DMD: variants seen among roughly 807,000 people sequenced by gnomAD.
The protein encoded by DMD is dystrophin.
DMD carries 63 observed loss-of-function variants against 330.1 expected under a neutral mutation model. That is an observed-to-expected ratio of 0.19 (90% CI 0.16 to 0.24). The LOEUF (loss-of-function observed/expected upper bound fraction) is 0.24, where lower values mean the gene tolerates loss of function less well. DMD is among the 10% of genes least tolerant of loss of function. DMD has a pLI of 1.00. For synonymous variants in DMD, 1,223 were observed against 959.8 expected (o/e 1.27, Z -5.07); for missense variants, 3,344 against 2,684.1 (o/e 1.25, Z -5.43).
At chrX:31,902,641 A>G (rs752152784) in intron 47 of DMD, among the ~76,000 whole-genome samples, 1 of 112,024 alleles carries the variant, frequency 8.9e-6, no homozygotes, top group Non-Finnish European at 1.9e-5. Flanking sequence ...TAATAAATGT[A>G]TTGCTGCAAA....
chrX:31,451,533 A>C (rs60868888), intron 59 of DMD, among the ~76,000 whole-genome samples: 24,568 of 108,948 alleles, frequency 0.23, 3,134 homozygotes, highest in African/African-American at 0.46. Context: ...CCACCCACGT[A>C]GGCCTCCCAA....
intron 7 of DMD, among the ~76,000 whole-genome samples, chrX:32,789,554 A>G (rs967330129): frequency 8.9e-6 from 1 of 111,995 alleles, no homozygotes; most frequent in Non-Finnish European, 1.9e-5. Context: ...TCCCCAACCG[A>G]TTTTATTGGA....
At chrX:32,211,928 C>T (rs1189337715) in intron 44 of DMD, among the ~76,000 whole-genome samples, 1 of 111,749 alleles carries the variant, frequency 8.9e-6, no homozygotes, top group African/African-American at 3.3e-5. Context: ...CTATCATAGC[C>T]CATGTTTTAA....
At chrX:32,860,988 C>T (rs761942241) in intron 2 of DMD, among the ~76,000 whole-genome samples, 2 of 111,805 alleles carry the variant, frequency 1.8e-5, no homozygotes, top group South Asian at 3.8e-4. Context: ...TTGGAAAACA[C>T]GGGGGAATGG....
At chrX:32,074,724 AG>A (rs1481366190) in intron 44 of DMD, among the ~76,000 whole-genome samples, 3 of 107,879 alleles carry the variant, frequency 2.8e-5, no homozygotes, top group African/African-American at 1.0e-4. Flanking sequence ...CAAAGAAAAA[AG>A]GCTTCTGACT....
intron 43 of DMD, among the ~76,000 whole-genome samples, chrX:32,224,559 C>G (rs909887530): frequency 9.0e-6 from 1 of 111,493 alleles, no homozygotes; most frequent in East Asian, 2.8e-4. Flanking sequence ...GTTCTGCTCT[C>G]ACTGTTAATA....
In DMD at chrX:32,677,084, T is replaced by C. The variant is rs576482700; in HGVS notation, c.960+20786A>G. 2.7e-5 allele frequency among the ~76,000 whole-genome samples: 3 copies of C among 111,463 alleles called. No homozygotes were observed. In the South Asian group the frequency reaches 1.1e-3, roughly 41 times the overall value. ...TAAAATATGTAATTTCACTGACAAA[T>C]GAAAATTCAGAGAAATGAAACTCCT... On this transcript the variant is annotated intron_variant, in intron 9 of 78. Transcript: ENST00000357033.
At chrX:32,914,491 T>C (rs2087603079) in intron 2 of DMD, among the ~76,000 whole-genome samples, 1 of 112,102 alleles carries the variant, frequency 8.9e-6, no homozygotes, top group Admixed American at 9.5e-5. Flanking sequence ...AAGCAAGAGA[T>C]AAATATCGGA....
intron 29 of DMD, among the ~76,000 whole-genome samples, chrX:32,417,031 C>T (rs2098168730): frequency 8.9e-6 from 1 of 112,123 alleles, no homozygotes; most frequent in Non-Finnish European, 1.9e-5. Context: ...ACTATTTCCT[C>T]CTGACCTAAC....
intron 7 of DMD, among the ~76,000 whole-genome samples, chrX:32,770,545 C>T (rs997159140): frequency 9.0e-6 from 1 of 110,797 alleles, no homozygotes; most frequent in Non-Finnish European, 1.9e-5. Context: ...TATTTGAGGG[C>T]GCTAATTTTG....
intron 1 of DMD, among the ~76,000 whole-genome samples, chrX:33,125,855 A>G (rs1390303510): frequency 9.0e-6 from 1 of 111,146 alleles, no homozygotes; most frequent in Non-Finnish European, 1.9e-5. Context: ...TACTAAAAAT[A>G]TAATAGACTA....
intron 78 of DMD, among the ~76,000 whole-genome samples, chrX:31,126,015 T>G (rs765851546): frequency 2.7e-5 from 3 of 111,535 alleles, no homozygotes; most frequent in Non-Finnish European, 5.7e-5. Context: ...TACTCTCTCA[T>G]TGACTCAGTC....
Position 31,730,329 on chromosome X carries a change from G to C in DMD, c.7543-581C>G, listed in dbSNP as rs777022487. The stretch of plus-strand genomic sequence containing the variant: ...GCCTCCCTCCAGAACTAATGAATAT[G>C]TAGTGGAAAGGGCTGCAAATCTTGC... On this transcript the variant is annotated intron_variant, in intron 51 of 78. Transcript: ENST00000357033. Among the ~76,000 whole-genome samples, 10 of 111,669 alleles carry C rather than the reference G, an allele frequency of 9.0e-5. No individual in the cohort carries two copies. The Admixed American group carries it at 9.5e-4, about 11-fold the overall frequency.
intron 45 of DMD, among the ~76,000 whole-genome samples, chrX:31,933,435 A>C (rs2094884151): frequency 8.9e-6 from 1 of 112,578 alleles, no homozygotes; most frequent in Non-Finnish European, 1.9e-5. Flanking sequence ...TATGCTAATT[A>C]GCCATAAATT....
intron 1 of DMD, among the ~76,000 whole-genome samples, chrX:33,322,994 C>T (rs2054037480): frequency 9.0e-6 from 1 of 111,158 alleles, no homozygotes; most frequent in Non-Finnish European, 1.9e-5. Flanking sequence ...TACCACAGTG[C>T]TACTTACACA....
chrX:32,419,315 T>G (rs1210882231), intron 29 of DMD, among the ~76,000 whole-genome samples: 1 of 112,066 alleles, frequency 8.9e-6, no homozygotes, highest in East Asian at 2.8e-4. Context: ...CTTTGTTGCT[T>G]TCTTTGTTTT....
chrX:31,895,414 T>A (rs2094317963), intron 47 of DMD, among the ~76,000 whole-genome samples: 1 of 111,878 alleles, frequency 8.9e-6, no homozygotes, highest in Non-Finnish European at 1.9e-5. Context: ...CAATCGATAC[T>A]TTTCAGTATT....
At chrX:32,042,160 C>T (rs1042078148) in intron 44 of DMD, among the ~76,000 whole-genome samples, 1 of 59,679 alleles carries the variant, frequency 1.7e-5, no homozygotes, top group Admixed American at 1.6e-4. Flanking sequence ...CATACATATA[C>T]ACACATATGT....
chrX:32,438,580 C>A (rs1349608604), intron 28 of DMD, among the ~76,000 whole-genome samples, 190 bp from the exon 29 acceptor site: 2 of 111,642 alleles, frequency 1.8e-5, no homozygotes, highest in East Asian at 5.6e-4. Context: ...CTATATGAAT[C>A]TTCATGGGAT....
Sources: gnomAD v4.1 joint callset for allele counts (sites outside exome capture counted in the v4.1 genomes callset) on GRCh38, gnomAD v4.1.1 for gene constraint, MANE v1.5 for transcripts, NCBI Gene and HGNC (gene_info 2026-07-23, HGNC 2026-07-21) for gene names.